Variants in AGBL1 observed in about 807,000 individuals in gnomAD.
AGBL1 encodes the protein cytosolic carboxypeptidase 4.
AGBL1 carries 130 observed loss-of-function variants against 118.9 expected under a neutral mutation model. The ratio of observed to expected loss-of-function variants is 1.09; its 90% confidence interval spans 0.95 to 1.26. The LOEUF is 1.26. Ranked by LOEUF, AGBL1 falls within the 50% of genes most tolerant of loss-of-function variation. The pLI is 0.00. For synonymous variants in AGBL1, 555 were observed against 478.9 expected (o/e 1.16, Z -2.08); for missense variants, 1,584 against 1,298.1 (o/e 1.22, Z -3.38).
rs535493843 is a variant in AGBL1 at position 86,093,035 on chromosome 15, G to A, written c.51+13012G>A. Reference sequence around the variant, plus strand: ...TATTTACTGTTTTGGAAGGTGCCTGGGAAGGTTGAATTGTATATTCGGTGA... The same window carrying A: ...TATTTACTGTTTTGGAAGGTGCCTGAGAAGGTTGAATTGTATATTCGGTGA... On this transcript the variant is annotated intron_variant, in intron 1 of 22. Transcript: ENST00000614907. Among the ~76,000 whole-genome samples, 5 of 152,236 alleles carry A rather than the reference G, an allele frequency of 3.3e-5. No homozygotes were observed. In the South Asian group the frequency reaches 1.0e-3, roughly 32 times the overall value.
intron 17 of AGBL1, among the ~76,000 whole-genome samples, chr15:86,384,335 G>C (rs931517832): frequency 1.3e-5 from 2 of 152,098 alleles, no homozygotes; most frequent in Admixed American, 6.6e-5. Flanking sequence ...TGAGCCAGCC[G>C]GCAGGTCTGC....
chr15:86,936,440 C>G (rs1007051161), intron 23 of AGBL1, among the ~76,000 whole-genome samples: 2 of 152,090 alleles, frequency 1.3e-5, no homozygotes, highest in African/African-American at 4.8e-5. Flanking sequence ...CTCAACACCA[C>G]CCCAGGTGCT....
chr15:86,463,625 AAG>A (rs1325818347), intron 18 of AGBL1, among the ~76,000 whole-genome samples: 9 of 152,170 alleles, frequency 5.9e-5, no homozygotes, highest in African/African-American at 1.9e-4. Flanking sequence ...TATAAGTTGT[AAG>A]GAAGGGGTCC....
intron 17 of AGBL1, among the ~76,000 whole-genome samples, chr15:86,382,621 C>T (rs188096588): frequency 7.2e-5 from 11 of 152,096 alleles, no homozygotes; most frequent in Admixed American, 3.9e-4. Context: ...GGCAGGCCAC[C>T]GCTGTAGTCA....
chr15:86,269,908 C>G lies in AGBL1; in HGVS notation c.1839-11C>G, dbSNP rs1304361742. 6.2e-7 allele frequency: 1 copy of G among 1,613,056 alleles called. No homozygotes were observed. Among genetic ancestry groups the G allele is most frequent in the South Asian group, 1.1e-5 (1 of 90,926 alleles). ...TCCAGATAACCCTCCAGTCTTGCTT[C>G]TGATCTGCAGGTTCGAGTATGACTT... On this transcript the variant is annotated splice_polypyrimidine_tract_variant and intron_variant, in intron 13 of 22. Coordinates refer to ENST00000614907, the MANE Select transcript of AGBL1 (RefSeq NM_001386094.1).
At chr15:86,793,454 C>A (rs1258392345) in intron 22 of AGBL1, among the ~76,000 whole-genome samples, 1 of 152,114 alleles carries the variant, frequency 6.6e-6, no homozygotes, top group Non-Finnish European at 1.5e-5. Flanking sequence ...TTACCTCACA[C>A]CATTTACAAA....
Position 86,632,848 on chromosome 15 carries a change from G to A in AGBL1, c.2995-41425G>A, listed in dbSNP as rs557103149. On this transcript the variant is annotated intron_variant, in intron 21 of 22. Transcript: ENST00000614907. ...TAAAAAAGGTTTTGCTAATACTACT[G>A]CCTTTTTTGTTTCTTACCTTTCTTG... Among the ~76,000 whole-genome samples the A allele has an allele frequency of 8.0e-4, 121 of 152,034 alleles. No homozygotes were observed. In the Middle Eastern group the frequency reaches 0.014, roughly 17 times the overall value.
At chr15:86,754,281 A>C (rs985235513) in intron 22 of AGBL1, among the ~76,000 whole-genome samples, 2 of 152,102 alleles carry the variant, frequency 1.3e-5, no homozygotes, top group Non-Finnish European at 2.9e-5. Context: ...TTTCATGCAG[A>C]TATATCTTGC....
intron 18 of AGBL1, among the ~76,000 whole-genome samples, chr15:86,484,335 G>A (rs1427793425): frequency 6.6e-6 from 1 of 152,044 alleles, no homozygotes; most frequent in African/African-American, 2.4e-5. Flanking sequence ...GCACAGAGGA[G>A]GGCAGCGAAT....
intron 22 of AGBL1, among the ~76,000 whole-genome samples, chr15:86,900,411 T>C (rs2080194434): frequency 6.6e-6 from 1 of 152,200 alleles, no homozygotes; most frequent in Non-Finnish European, 1.5e-5. Flanking sequence ...CTTATCAGAA[T>C]GCTTAGTAAT....
At chr15:86,410,884 T>C (rs868773474) in intron 18 of AGBL1, among the ~76,000 whole-genome samples, 8 of 84,786 alleles carry the variant, frequency 9.4e-5, no homozygotes, top group Admixed American at 1.6e-4. Context: ...TATATTATAA[T>C]ATATATTATA....
At chr15:86,538,155 A>G (rs74438748) in intron 19 of AGBL1, among the ~76,000 whole-genome samples, 1 of 152,100 alleles carries the variant, frequency 6.6e-6, no homozygotes, top group Non-Finnish European at 1.5e-5. Context: ...TTTCTCCCCA[A>G]AGTGGCCATT....
intron 17 of AGBL1, among the ~76,000 whole-genome samples, chr15:86,300,431 A>G (rs2079727794): frequency 1.3e-5 from 2 of 152,172 alleles, no homozygotes; most frequent in African/African-American, 4.8e-5. Flanking sequence ...GTGATCTGAG[A>G]GAAGGAATGA....
intron 1 of AGBL1, chr15:86,083,236 C>G (rs762805483): frequency 3.3e-5 from 5 of 152,124 alleles, no homozygotes; most frequent in Non-Finnish European, 7.4e-5. Context: ...TCTCGTCTCT[C>G]CATGTGGTTT....
At chr15:86,717,174 A>T (rs2086650974) in intron 22 of AGBL1, among the ~76,000 whole-genome samples, 1 of 152,242 alleles carries the variant, frequency 6.6e-6, no homozygotes, top group Non-Finnish European at 1.5e-5. Context: ...AGGGCAGGAC[A>T]AGGAGAATTT....
intron 17 of AGBL1, among the ~76,000 whole-genome samples, chr15:86,325,353 A>G (rs1264510006): frequency 1.3e-5 from 2 of 152,152 alleles, no homozygotes; most frequent in African/African-American, 2.4e-5. Flanking sequence ...AGCAGGAGGA[A>G]CTAGTTGTAG....
At chr15:86,609,555 G>A (rs971095598) in intron 21 of AGBL1, among the ~76,000 whole-genome samples, 32 of 152,118 alleles carry the variant, frequency 2.1e-4, no homozygotes, top group Admixed American at 5.2e-4. Flanking sequence ...GTTTAATACC[G>A]TTTTAGTCGA....
chr15:86,270,184 TTG>T, intron 14 of AGBL1, 117 bp downstream of exon 14: 1 of 1,386,740 alleles, frequency 7.2e-7, no homozygotes, highest in Non-Finnish European at 9.6e-7. Flanking sequence ...GGGCAGAGTT[TTG>T]GGTTGCCAGG....
chr15:86,124,510 C>T (rs1285825327), intron 1 of AGBL1, among the ~76,000 whole-genome samples: 1 of 152,038 alleles, frequency 6.6e-6, no homozygotes, highest in Non-Finnish European at 1.5e-5. Context: ...TGTAACTTTT[C>T]CTTCAATCTA....
Sources: allele counts gnomAD v4.1 joint callset (sites outside exome capture counted in the v4.1 genomes callset), GRCh38; gene constraint gnomAD v4.1.1; transcripts MANE v1.5; gene names NCBI Gene and HGNC (gene_info 2026-07-23, HGNC 2026-07-21).